UPRT: variants seen among roughly 807,000 people sequenced by gnomAD.
UPRT encodes RP11-311P8.3.
A neutral mutation model predicts 22.6 loss-of-function variants in UPRT; 5 were observed. The ratio of observed to expected loss-of-function variants is 0.22; its 90% confidence interval spans 0.12 to 0.47. The LOEUF is 0.47. UPRT is among the 20% of genes least tolerant of loss of function. UPRT has a pLI of 0.99. For synonymous variants in UPRT, 77 were observed against 87.7 expected, an observed-to-expected ratio of 0.88 and a Z score of 0.68; for missense variants, 181 against 239.9, an observed-to-expected ratio of 0.75 and a Z score of 1.62.
At chrX:75,228,713 C>T (rs1010311437) in intron 4 of UPRT, among the ~76,000 whole-genome samples, 1 of 111,846 alleles carries the variant, frequency 8.9e-6, no homozygotes, top group East Asian at 2.8e-4. Context: ...GGAACCATAA[C>T]AGCTTAGTTT....
chrX:75,258,197 T>TG (rs1399553649), intron 4 of UPRT, among the ~76,000 whole-genome samples: 6 of 104,348 alleles, frequency 5.7e-5, no homozygotes, highest in Non-Finnish European at 1.2e-4. Flanking sequence ...GCAGGTGTTT[T>TG]TTTTTTTTTT....
intron 4 of UPRT, among the ~76,000 whole-genome samples, chrX:75,233,971 A>C (rs1373948357): frequency 1.8e-5 from 2 of 111,571 alleles, no homozygotes; most frequent in African/African-American, 6.5e-5. Context: ...AAATGCTCCA[A>C]TTAAAAGGCA....
chrX:75,188,620 G>A (rs1466311529), intron 4 of UPRT, among the ~76,000 whole-genome samples: 2 of 112,503 alleles, frequency 1.8e-5, no homozygotes, highest in Admixed American at 1.9e-4. Flanking sequence ...CCCTCCCCGA[G>A]CCTCGCTGCC....
upstream of UPRT, among the ~76,000 whole-genome samples, chrX:75,271,823 T>G (rs1431489763): frequency 9.0e-6 from 1 of 110,947 alleles, no homozygotes; most frequent in African/African-American, 3.3e-5. Context: ...CATCAAAAAG[T>G]GGGCTAAGGA....
chrX:75,242,080 TAAA>T (rs1228543590), intron 4 of UPRT, among the ~76,000 whole-genome samples: 2 of 110,311 alleles, frequency 1.8e-5, no homozygotes, highest in Non-Finnish European at 3.8e-5. Context: ...ATAATAATAA[TAAA>T]AAGCACAACA....
chrX:75,263,113 C>T (rs2082574458), intron 4 of UPRT, among the ~76,000 whole-genome samples: 2 of 112,089 alleles, frequency 1.8e-5, no homozygotes, highest in African/African-American at 6.5e-5. Flanking sequence ...GCCTCTCAGA[C>T]CACAGTGCAA....
Position 75,232,455 on chromosome X carries a change from C to G in UPRT, c.-446-58569C>G, listed in dbSNP as rs1432786848. Reference sequence around the variant, plus strand: ...AGCCCACCACAGCTCAAGGAGGCCTCCCTGCCTCTGTAGGCTCCACCTCTG... The same window carrying G: ...AGCCCACCACAGCTCAAGGAGGCCTGCCTGCCTCTGTAGGCTCCACCTCTG... On this transcript the variant is annotated intron_variant, in intron 4 of 13. Coordinates refer to the UPRT transcript ENST00000652605. Among the ~76,000 whole-genome samples the G allele has an allele frequency of 8.0e-5, 9 of 111,928 alleles. No individual in the cohort carries two copies. In the South Asian group the frequency reaches 1.8e-3, roughly 23 times the overall value.
chrX:75,235,357 TAGA>T (rs1403404788), intron 4 of UPRT, among the ~76,000 whole-genome samples: 3 of 111,466 alleles, frequency 2.7e-5, no homozygotes, highest in Non-Finnish European at 3.8e-5. Flanking sequence ...CTACCAGAGG[TAGA>T]AGGAGGAACT....
intron 1 of UPRT, among the ~76,000 whole-genome samples, chrX:75,293,046 G>T (rs1346605724): frequency 8.9e-6 from 1 of 111,733 alleles, no homozygotes; most frequent in Non-Finnish European, 1.9e-5. Context: ...AAGTAGATGG[G>T]TTACTTATCT....
intron 4 of UPRT, among the ~76,000 whole-genome samples, chrX:75,237,904 T>A (rs1411502666): frequency 9.1e-6 from 1 of 109,722 alleles, no homozygotes; most frequent in Non-Finnish European, 1.9e-5. Flanking sequence ...CATATGTAAC[T>A]AACCTGCACA....
At chrX:75,226,289 C>CCTACCCTTAAGATGTGT (rs1437944017) in intron 4 of UPRT, among the ~76,000 whole-genome samples, 1 of 111,567 alleles carries the variant, frequency 9.0e-6, no homozygotes, top group Non-Finnish European at 1.9e-5. Context: ...TAAACTTGTG[C>CCTACCCTTAAGATGTGT]CTACCCTTAA....
At chrX:75,174,978 CCTT>C (rs1370099154) in intron 4 of UPRT, among the ~76,000 whole-genome samples, 1 of 110,283 alleles carries the variant, frequency 9.1e-6, no homozygotes, top group Non-Finnish European at 1.9e-5. Flanking sequence ...CTCTCTGACT[CCTT>C]CTCCTTGTCT....
At chrX:75,230,755 G>A (rs1318374195) in intron 4 of UPRT, among the ~76,000 whole-genome samples, 1 of 111,579 alleles carries the variant, frequency 9.0e-6, no homozygotes, top group East Asian at 2.8e-4. Context: ...TGGGAGACCT[G>A]AAGATGAATC....
intron 3 of UPRT, among the ~76,000 whole-genome samples, chrX:75,163,390 C>T (rs2082205226): frequency 8.9e-6 from 1 of 111,942 alleles, no homozygotes; most frequent in African/African-American, 3.2e-5. Flanking sequence ...TCAACTGATT[C>T]AGTGCCTTAA....
intron 4 of UPRT, among the ~76,000 whole-genome samples, chrX:75,263,396 AG>A (rs2147671480): frequency 9.0e-6 from 1 of 111,102 alleles, no homozygotes; most frequent in South Asian, 3.8e-4. Context: ...TCAATGTCAG[AG>A]CCTGTTATTG....
At chrX:75,178,616 A>G (rs147874925) in intron 4 of UPRT, among the ~76,000 whole-genome samples, 2,239 of 109,650 alleles carry the variant, frequency 0.02, 28 homozygotes, top group Non-Finnish European at 0.034. Context: ...TCGTGGTCTC[A>G]CTGGCTCAGG....
intron 6 of UPRT, among the ~76,000 whole-genome samples, chrX:75,301,890 A>G (rs761260321): frequency 6.0e-4 from 67 of 112,129 alleles, no homozygotes; most frequent in Non-Finnish European, 1.1e-3. Context: ...TGTTGTTTCA[A>G]TTTTGGTTTC....
intron 4 of UPRT, among the ~76,000 whole-genome samples, chrX:75,221,116 A>G (rs891078969): frequency 9.0e-6 from 1 of 111,551 alleles, no homozygotes; most frequent in African/African-American, 3.2e-5. Flanking sequence ...TTCTTCTTTT[A>G]GCACTTTAAA....
intron 4 of UPRT, among the ~76,000 whole-genome samples, chrX:75,265,402 C>T (rs922958608): frequency 9.9e-5 from 11 of 111,384 alleles, no homozygotes; most frequent in African/African-American, 3.3e-4. Flanking sequence ...TTTCTCTAAA[C>T]TTCTCTTCTC....
Sources: allele counts gnomAD v4.1 joint callset (sites outside exome capture counted in the v4.1 genomes callset), GRCh38; gene constraint gnomAD v4.1.1; transcripts MANE v1.5; gene names NCBI Gene and HGNC (gene_info 2026-07-23, HGNC 2026-07-21).